The following GSKIP variants were observed in gnomAD, a reference collection of about 807,000 sequenced individuals.
The protein encoded by GSKIP is GSK3B interacting protein, also known as GSK3B-interacting protein.
A neutral mutation model predicts 11.9 loss-of-function variants in GSKIP; 5 were observed. That is an observed-to-expected ratio of 0.42 (90% CI 0.22 to 0.89). The LOEUF (loss-of-function observed/expected upper bound fraction) is 0.89. Ranked by LOEUF, GSKIP falls within the 40% of genes least tolerant of loss-of-function variation. The pLI is 0.29. For missense variants in GSKIP, 150 were observed against 166.6 expected (o/e 0.90, Z 0.55); for synonymous variants, 70 against 62.9 (o/e 1.11, Z -0.54).
At chr14:96,370,291 G>A (rs1889008470) in intron 1 of GSKIP, among the ~76,000 whole-genome samples, 1 of 152,212 alleles carries the variant, frequency 6.6e-6, no homozygotes, top group South Asian at 2.1e-4. Flanking sequence ...GTTGGTGCTA[G>A]AACAAGTTAA....
intron 1 of GSKIP, among the ~76,000 whole-genome samples, chr14:96,370,340 A>G (rs1438522265): frequency 1.3e-5 from 2 of 152,164 alleles, no homozygotes; most frequent in Non-Finnish European, 2.9e-5. Context: ...TGTATTTTGA[A>G]TGTGAGAAGG....
intron 3 of GSKIP, 94 bp downstream of exon 3, chr14:96,382,599 A>G: frequency 1.2e-6 from 1 of 811,880 alleles, no homozygotes; most frequent in Non-Finnish European, 1.8e-6. Flanking sequence ...GTGTTAAAAG[A>G]GAACTGGATA....
intron 1 of GSKIP, among the ~76,000 whole-genome samples, chr14:96,376,625 A>G (rs1326428131): frequency 1.1e-4 from 16 of 152,236 alleles, no homozygotes; most frequent in Admixed American, 1.0e-3. Context: ...TTGTAGTAGG[A>G]CGAAGACATA....
At chr14:96,368,640 G>A (rs1474989348) in intron 1 of GSKIP, among the ~76,000 whole-genome samples, 1 of 152,110 alleles carries the variant, frequency 6.6e-6, no homozygotes, top group Non-Finnish European at 1.5e-5. Context: ...AATCCTGGTG[G>A]GAGGTGTTTG....
chr14:96,384,215 A>G (rs116367934), intron 3 of GSKIP, among the ~76,000 whole-genome samples: 1,988 of 152,258 alleles, frequency 0.013, 56 homozygotes, highest in African/African-American at 0.045. Context: ...TGTGTCAGCA[A>G]TTGAAAATCA....
chr14:96,379,847 T>G (rs1889299389), intron 2 of GSKIP, 59 bp downstream of exon 2: 1 of 152,226 alleles, frequency 6.6e-6, no homozygotes, highest in Non-Finnish European at 1.5e-5. Context: ...ATGTAAAACT[T>G]TCTCATATAA....
chr14:96,364,152 A>G (rs1476272578), intron 1 of GSKIP: 2 of 152,242 alleles, frequency 1.3e-5, no homozygotes, highest in Non-Finnish European at 2.9e-5. Flanking sequence ...GCGCAATCGT[A>G]TTTCTGCCTT....
chr14:96,370,853 A>G (rs1159655325), intron 1 of GSKIP, among the ~76,000 whole-genome samples: 1 of 152,218 alleles, frequency 6.6e-6, no homozygotes, highest in African/African-American at 2.4e-5. Flanking sequence ...CTTTACAGCA[A>G]TACATAGAGA....
intron 1 of GSKIP, among the ~76,000 whole-genome samples, chr14:96,368,544 TA>T (rs1888961061): frequency 1.3e-5 from 2 of 152,192 alleles, no homozygotes. Flanking sequence ...GTTCCCTCCT[TA>T]ATCAACAAAA....
chr14:96,385,294 C>T (rs1889458935), intron 3 of GSKIP, among the ~76,000 whole-genome samples: 1 of 152,134 alleles, frequency 6.6e-6, no homozygotes, highest in South Asian at 2.1e-4. Context: ...AGTGGTGTTT[C>T]TGTGTTATAC....
intron 1 of GSKIP, 24 bp from the exon 2 acceptor site, chr14:96,379,664 A>G (rs1889294207): frequency 6.6e-6 from 1 of 152,210 alleles, no homozygotes; most frequent in Admixed American, 6.5e-5. Flanking sequence ...AGTCTTAGGA[A>G]AGGTGTCTTC....
At chr14:96,380,073 A>G (rs138102137) in intron 2 of GSKIP, 112 of 152,322 alleles carry the variant, frequency 7.4e-4, no homozygotes, top group African/African-American at 2.6e-3. Flanking sequence ...GGAATAAGGT[A>G]AAATTTGGAA....
chr14:96,369,856 A>G (rs1442301808), intron 1 of GSKIP, among the ~76,000 whole-genome samples: 1 of 152,168 alleles, frequency 6.6e-6, no homozygotes, highest in Admixed American at 6.5e-5. Flanking sequence ...CTAGTAGAAC[A>G]GGGATGCCAT....
rs1368162145 is a variant in GSKIP, at chr14:96,386,802, A to G, written c.*1118A>G. ...ATTTATAAATTTAATAAACTGTACC[A>G]TGCTGCTGCATGTTTTCAAGTACAT... On this transcript the variant is annotated 3_prime_UTR_variant, in exon 4 of 4. Coordinates refer to ENST00000555181, the MANE Select transcript of GSKIP (RefSeq NM_016472.5). 4.6e-5 allele frequency: 7 copies of G among 152,688 alleles called. No homozygotes were observed. Among genetic ancestry groups the G allele is most frequent in the Admixed American group, 3.9e-4 (6 of 15,292 alleles). 9.5% of individuals were successfully genotyped at this position (152,688 alleles called of 1,614,324 possible). A position where few individuals can be genotyped will look rare whatever the true frequency, so the allele number is the denominator to read the frequency against.
intron 2 of GSKIP, among the ~76,000 whole-genome samples, chr14:96,380,918 G>C (rs1012476578): frequency 1.3e-5 from 2 of 152,186 alleles, no homozygotes; most frequent in Non-Finnish European, 2.9e-5. Flanking sequence ...ACTCCAGTGT[G>C]GTGAGGGGGT....
Position 96,374,166 on chromosome 14 carries a change from T to C in GSKIP, c.-102-5522T>C, listed in dbSNP as rs73365120. On this transcript the variant is annotated intron_variant, in intron 1 of 3. Transcript: ENST00000555181. ...GACATGGAAAATATGTTTAAAAGAT[T>C]AAAAGACACAAATAGAATAGATACT... Among the ~76,000 whole-genome samples, 330 of 152,122 alleles carry C rather than the reference T, an allele frequency of 2.2e-3. 1 individual carries two copies. Among genetic ancestry groups the C allele is most frequent in the African/African-American group, 7.7e-3 (318 of 41,508 alleles).
At chr14:96,374,251 A>G (rs1444068515) in intron 1 of GSKIP, among the ~76,000 whole-genome samples, 2 of 152,208 alleles carry the variant, frequency 1.3e-5, no homozygotes, top group Non-Finnish European at 2.9e-5. Flanking sequence ...GAAACAGTGA[A>G]AAAAATAAAT....
intron 1 of GSKIP, among the ~76,000 whole-genome samples, chr14:96,368,587 C>A (rs1467676182): frequency 6.6e-6 from 1 of 152,206 alleles, no homozygotes; most frequent in East Asian, 1.9e-4. Flanking sequence ...GGTTTGGCCC[C>A]ACCAAGCCTC....
chr14:96,382,213 CAA>C, intron 2 of GSKIP, 32 bp from the exon 3 acceptor site: 1 of 1,488,800 alleles, frequency 6.7e-7, no homozygotes, highest in South Asian at 1.3e-5. Flanking sequence ...TTTCTATAAA[CAA>C]ATTTTATAAC....
Sources: gnomAD v4.1 joint callset for allele counts (sites outside exome capture counted in the v4.1 genomes callset) on GRCh38, gnomAD v4.1.1 for gene constraint, MANE v1.5 for transcripts, NCBI Gene and HGNC (gene_info 2026-07-23, HGNC 2026-07-21) for gene names.